LARGE1: variants seen among roughly 807,000 people sequenced by gnomAD.
LARGE1 encodes xylosyl- and glucuronyltransferase LARGE1.
In LARGE1, 43 loss-of-function variants were observed where a neutral mutation model predicts 87.6. That is an observed-to-expected ratio of 0.49 (90% CI 0.38 to 0.63). LARGE1 has a LOEUF of 0.63. Ranked by LOEUF, LARGE1 falls within the 30% of genes least tolerant of loss-of-function variation. The probability of loss-of-function intolerance (pLI) is 0.00; values close to 1 mark genes in which losing one functional copy is unlikely to be tolerated. For synonymous variants in LARGE1, 434 were observed against 394.6 expected (o/e 1.10, Z -1.18); for missense variants, 802 against 1,000.2 (o/e 0.80, Z 2.67).
intron 1 of LARGE1, among the ~76,000 whole-genome samples, chr22:33,825,482 G>A (rs5754707): frequency 0.67 from 102,441 of 151,844 alleles, 35,542 homozygotes; most frequent in East Asian, 0.97. Context: ...GGAAACTTAC[G>A]ATCATGATGG....
chr22:33,918,336 C>A lies in LARGE1; in HGVS notation c.-83+1659G>T, dbSNP rs368923802. Reference sequence around the variant, plus strand: ...GCAATCCGATCTTCCCGTTAAAAACCTCTCTCTCCTGCCAGGGGGATTTGA... The same window carrying A: ...GCAATCCGATCTTCCCGTTAAAAACATCTCTCTCCTGCCAGGGGGATTTGA... On this transcript the variant is annotated intron_variant, in intron 1 of 14. Coordinates refer to ENST00000397394, the MANE Select transcript of LARGE1 (RefSeq NM_133642.5). Among the ~76,000 whole-genome samples the A allele has an allele frequency of 6.6e-5, 10 of 152,298 alleles. No homozygotes were observed. The South Asian group carries it at 1.7e-3, about 25-fold the overall frequency.
At chr22:33,500,252 G>C (rs117793024) in intron 6 of LARGE1, among the ~76,000 whole-genome samples, 2 of 152,206 alleles carry the variant, frequency 1.3e-5, no homozygotes, top group Admixed American at 1.3e-4. Context: ...TGATTAGCAC[G>C]CTGCTTTGCC....
intron 11 of LARGE1, among the ~76,000 whole-genome samples, chr22:33,177,263 C>A (rs1922925904): frequency 6.6e-6 from 1 of 151,912 alleles, no homozygotes; most frequent in African/African-American, 2.4e-5. Context: ...ATGTAACAAA[C>A]CTGCACGTTC....
chr22:33,135,699 G>A, the LARGE1 span, among the ~76,000 whole-genome samples: 2 of 152,122 alleles, frequency 1.3e-5, no homozygotes, highest in Non-Finnish European at 2.9e-5. Context: ...AATTAGCCGG[G>A]CACGGTGGCA....
At chr22:33,178,642 CT>C (rs1923004688) in intron 11 of LARGE1, among the ~76,000 whole-genome samples, 1 of 152,144 alleles carries the variant, frequency 6.6e-6, no homozygotes, top group South Asian at 2.1e-4. Flanking sequence ...TTTTTCCTTT[CT>C]TCAAAAAGTC....
At chr22:33,297,193 G>A (rs1041113420) in intron 12 of LARGE1, among the ~76,000 whole-genome samples, 4 of 152,200 alleles carry the variant, frequency 2.6e-5, no homozygotes, top group Non-Finnish European at 5.9e-5. Flanking sequence ...GCCATGATGT[G>A]CCAGGGAAAA....
At chr22:33,546,092 TCTC>T (rs922465279) in intron 6 of LARGE1, among the ~76,000 whole-genome samples, 13 of 152,256 alleles carry the variant, frequency 8.5e-5, no homozygotes, top group African/African-American at 2.4e-4. Context: ...TGGTCAGTCT[TCTC>T]CTTATGAGAC....
At chr22:33,571,177 C>T (rs760614302) in intron 5 of LARGE1, among the ~76,000 whole-genome samples, 2 of 152,194 alleles carry the variant, frequency 1.3e-5, no homozygotes, top group Non-Finnish European at 2.9e-5. Flanking sequence ...CCAAGATTAT[C>T]ACCTAATTCA....
chr22:33,884,344 T>G (rs764365533), intron 1 of LARGE1, among the ~76,000 whole-genome samples: 5 of 152,206 alleles, frequency 3.3e-5, no homozygotes, highest in Non-Finnish European at 7.3e-5. Context: ...CCCTCTTTCC[T>G]CTGATGGCAT....
chr22:33,587,463 CTTA>C (rs985312043), intron 5 of LARGE1, among the ~76,000 whole-genome samples: 31 of 152,050 alleles, frequency 2.0e-4, no homozygotes, highest in Admixed American at 8.5e-4. Flanking sequence ...TATATAAAAT[CTTA>C]TTTTCTTCTT....
chr22:33,718,877 A>G (rs2082991854), intron 2 of LARGE1, among the ~76,000 whole-genome samples: 1 of 151,980 alleles, frequency 6.6e-6, no homozygotes, highest in Non-Finnish European at 1.5e-5. Flanking sequence ...GGCAACCTCC[A>G]CCTCCCAGGT....
At chr22:33,689,590 A>T (rs2082038833) in intron 2 of LARGE1, among the ~76,000 whole-genome samples, 1 of 152,190 alleles carries the variant, frequency 6.6e-6, no homozygotes, top group South Asian at 2.1e-4. Flanking sequence ...AAGAAGAGAT[A>T]GGCAAAATGC....
intron 1 of LARGE1, among the ~76,000 whole-genome samples, chr22:33,882,732 T>C (rs1788401731): frequency 6.6e-6 from 1 of 152,246 alleles, no homozygotes; most frequent in Non-Finnish European, 1.5e-5. Context: ...GATTTGATCA[T>C]GGGACAACAG....
chr22:33,261,743 C>A (rs1237358296), intron 11 of LARGE1, among the ~76,000 whole-genome samples: 1 of 152,172 alleles, frequency 6.6e-6, no homozygotes, highest in Non-Finnish European at 1.5e-5. Flanking sequence ...AAGACAATGA[C>A]TGCTCTGCTA....
chr22:33,145,505 C>G, the LARGE1 span, among the ~76,000 whole-genome samples: 6 of 152,170 alleles, frequency 3.9e-5, no homozygotes, highest in Admixed American at 3.9e-4. Flanking sequence ...CAGGGACAAA[C>G]AAGGAGACCA....
At chr22:33,540,555 C>T (rs1438046765) in intron 6 of LARGE1, among the ~76,000 whole-genome samples, 1 of 152,184 alleles carries the variant, frequency 6.6e-6, no homozygotes, top group Non-Finnish European at 1.5e-5. Context: ...CCCCACTGCC[C>T]CCATGGCAAA....
chr22:33,536,263 C>T (rs1348624887), intron 6 of LARGE1, among the ~76,000 whole-genome samples: 1 of 152,190 alleles, frequency 6.6e-6, no homozygotes, highest in Non-Finnish European at 1.5e-5. Context: ...AAAAGTGCAA[C>T]ATGAAGGATT....
At chr22:33,704,989 C>T (rs2082519085) in intron 2 of LARGE1, 1 of 152,324 alleles carries the variant, frequency 6.6e-6, no homozygotes, top group African/African-American at 2.4e-5. Flanking sequence ...GAGCTCAAAT[C>T]CTCACTGAGA....
chr22:33,820,216 A>AC (rs1156424685), intron 1 of LARGE1, among the ~76,000 whole-genome samples: 1 of 151,168 alleles, frequency 6.6e-6, no homozygotes, highest in Non-Finnish European at 1.5e-5. Flanking sequence ...AATTTGCAAA[A>AC]CCCCCCATAT....
Sources: allele counts gnomAD v4.1 joint callset (sites outside exome capture counted in the v4.1 genomes callset), GRCh38; gene constraint gnomAD v4.1.1; transcripts MANE v1.5; gene names NCBI Gene and HGNC (gene_info 2026-07-23, HGNC 2026-07-21).